The following RADIL variants were observed in gnomAD, a reference collection of about 807,000 sequenced individuals.
The protein encoded by RADIL is Rap associating with DIL domain.
Under a neutral mutation model 97.6 loss-of-function variants are expected in RADIL, and 99 were observed. The observed-to-expected ratio is 1.01, with a 90% confidence interval of 0.86 to 1.20. The LOEUF is 1.20. Among genes scored for constraint, RADIL ranks in the 50% most tolerant of loss-of-function variants. RADIL has a pLI of 0.00. For missense variants in RADIL, 1,765 were observed against 1,498.9 expected (o/e 1.18, Z -2.93); for synonymous variants, 803 against 691.8 (o/e 1.16, Z -2.52).
intron 6 of RADIL, among the ~76,000 whole-genome samples, chr7:4,820,092 C>T (rs760041611): frequency 3.3e-5 from 5 of 152,220 alleles, no homozygotes; most frequent in Non-Finnish European, 7.3e-5. Context: ...GCTGACTCTT[C>T]CTGTGGGGGC....
intron 2 of RADIL, among the ~76,000 whole-genome samples, chr7:4,863,743 T>G (rs923102517): frequency 2.6e-5 from 4 of 152,232 alleles, no homozygotes; most frequent in African/African-American, 9.6e-5. Flanking sequence ...ATTTTTTCAC[T>G]CAATGTGTCA....
Position 4,819,054 on chromosome 7 carries a change from T to TTC in RADIL, c.1616-1705_1616-1704dup, listed in dbSNP as rs754714822. Among the ~76,000 whole-genome samples, 3,955 of 145,122 alleles carry TTC rather than the reference T, an allele frequency of 0.027. 207 individuals are homozygous for TTC. The highest frequency in any genetic ancestry group is 0.099 in the African/African-American group (3,686 of 37,128). ...CCTGCACCCGGCCCTGAGACTCCATTTCTCTCTCTCTCTCTCTCTTTTTTT... is the reference window on the plus strand; with the variant it reads ...CCTGCACCCGGCCCTGAGACTCCATTTCTCTCTCTCTCTCTCTCTCTTTTTTT... On this transcript the variant is annotated intron_variant, in intron 6 of 14. Coordinates refer to ENST00000399583, the MANE Select transcript of RADIL (RefSeq NM_018059.5). This position sits in a 1 kb window ranked among gnomAD's most constrained non-coding sequence, Gnocchi z 5.8.
intron 5 of RADIL, among the ~76,000 whole-genome samples, chr7:4,831,002 C>T (rs1783123833): frequency 6.7e-6 from 1 of 148,714 alleles, no homozygotes; most frequent in African/African-American, 2.5e-5. Flanking sequence ...GCCTGGGCGA[C>T]AGAGCGAGAT....
chr7:4,802,418 G>A lies in RADIL; in HGVS notation c.2500-423C>T, dbSNP rs560867408. Among the ~76,000 whole-genome samples, 105 of 132,442 alleles carry A rather than the reference G, an allele frequency of 7.9e-4. 1 individual carries two copies. Among genetic ancestry groups the A allele is most frequent in the Non-Finnish European group, 1.3e-3 (80 of 61,922 alleles). The allele number at this position is 132,442 out of a possible 152,430, so 86.9% of individuals were successfully genotyped here. A position where few individuals can be genotyped will look rare whatever the true frequency, so the allele number is the denominator to read the frequency against. On this transcript the variant is annotated intron_variant, in intron 11 of 14. Transcript: ENST00000399583. ...GGCACGCTGGCTGGGCCCCCTCCCC[G>A]GGCACCTCGGGGCACGCTGGCTGGG...
chr7:4,811,588 C>T (rs1435718312), intron 9 of RADIL, among the ~76,000 whole-genome samples: 2 of 148,564 alleles, frequency 1.3e-5, no homozygotes, highest in African/African-American at 4.9e-5. Context: ...CCCGGGTTCA[C>T]GCCATTCTCC....
At position 4,883,185 on chromosome 7, in the gene RADIL, C is replaced by A. The variant is rs1377394966; in HGVS notation, c.-65+411G>T. Among the ~76,000 whole-genome samples, 1 of 152,148 alleles carries A rather than the reference C, an allele frequency of 6.6e-6. No homozygotes were observed. Among genetic ancestry groups the A allele is most frequent in the Non-Finnish European group, 1.5e-5 (1 of 68,004 alleles). On this transcript the variant is annotated intron_variant, in intron 1 of 14. Transcript: ENST00000399583. The surrounding 1 kb of genome is among the most constrained non-coding windows in gnomAD (Gnocchi z 7.1). ...CCCTGCGCCCCGCTCCCCCGCTGCGCCCCGCTCCCCCGCTGCGCGCCCCGG... is the reference window on the plus strand; with the variant it reads ...CCCTGCGCCCCGCTCCCCCGCTGCGACCCGCTCCCCCGCTGCGCGCCCCGG...
chr7:4,877,197 C>T (rs1784394211), intron 2 of RADIL, among the ~76,000 whole-genome samples: 1 of 152,196 alleles, frequency 6.6e-6, no homozygotes, highest in Admixed American at 6.5e-5. Context: ...AAGAGGAAAC[C>T]TTTGGGAGGC....
At position 4,821,196 on chromosome 7, in the gene RADIL, C is replaced by T. The variant is rs1017357695; in HGVS notation, c.1615+1198G>A. On this transcript the variant is annotated intron_variant, in intron 6 of 14. Coordinates refer to ENST00000399583, the MANE Select transcript of RADIL (RefSeq NM_018059.5). The surrounding 1 kb of genome is among the most constrained non-coding windows in gnomAD (Gnocchi z 5.2). ...TGCACCACTCCCTACCCGGATCCTC[C>T]AGAAGCCAGACCGCCACGCCACGGC... 6.6e-6 allele frequency among the ~76,000 whole-genome samples: 1 copy of T among 152,182 alleles called. No homozygotes were observed. The highest frequency in any genetic ancestry group is 1.5e-5 in the Non-Finnish European group (1 of 68,020).
intron 2 of RADIL, among the ~76,000 whole-genome samples, chr7:4,839,245 A>C (rs907603080): frequency 6.6e-6 from 1 of 152,122 alleles, no homozygotes; most frequent in Non-Finnish European, 1.5e-5. Flanking sequence ...TTTTACCCCA[A>C]AGTCATTCAG....
At position 4,822,494 on chromosome 7, in the gene RADIL, G is replaced by T; in HGVS notation, c.1515C>A (p.Pro505=). 1.2e-6 allele frequency: 2 copies of T among 1,613,110 alleles called. No individual in the cohort carries two copies. Among genetic ancestry groups the T allele is most frequent in the Non-Finnish European group, 8.5e-7 (1 of 1,180,000 alleles). ...TGGAGTTAGACATCCAGAAAAGAATGGGCTGCAAGTCTGGAACCAGATCAG... is the reference window on the plus strand; with the variant it reads ...TGGAGTTAGACATCCAGAAAAGAATTGGCTGCAAGTCTGGAACCAGATCAG... ...AMADLVPDLQ[P]ILFWMSNSIE... The change falls in exon 6 of 15, where the codon CCC becomes CCA. Residue 505 remains proline (P), a synonymous_variant. Coordinates refer to ENST00000399583, the MANE Select transcript of RADIL (RefSeq NM_018059.5). This position sits in a 1 kb window ranked among gnomAD's most constrained non-coding sequence, Gnocchi z 5.3.
At chr7:4,877,521 T>C (rs1784399748) in intron 2 of RADIL, 84 bp downstream of exon 2, 13 of 1,468,402 alleles carry the variant, frequency 8.9e-6, no homozygotes, top group Non-Finnish European at 1.2e-5. Context: ...GCATGTCCCC[T>C]GCACCACTCC....
At position 4,877,783 on chromosome 7, in the gene RADIL, G is replaced by A. The variant is rs539809610; in HGVS notation, c.357C>T (p.Ala119=). The part of the protein sequence containing the change: ...QYVLCDVVGQ[A]GDAGQRWQAR... ...CCTGCCACCGCTGCCCAGCATCGCC[G>A]GCTTGGCCCACCACGTCACACAGCA... Residue 119 remains alanine (A), a synonymous_variant, in exon 2 of 15, where the codon GCC becomes GCT. Coordinates refer to ENST00000399583, the MANE Select transcript of RADIL (RefSeq NM_018059.5). The A allele has an allele frequency of 1.4e-5, 22 of 1,612,288 alleles. No individual in the cohort carries two copies. Among genetic ancestry groups the A allele is most frequent in the South Asian group, 6.6e-5 (6 of 91,064 alleles).
chr7:4,859,191 A>G (rs1476227096), intron 2 of RADIL: 1 of 152,608 alleles, frequency 6.6e-6, no homozygotes, highest in Non-Finnish European at 1.5e-5. Context: ...GCACAATGGT[A>G]TCCAATTTTA....
At chr7:4,861,030 A>AAAGCTGAC (rs1425930033) in intron 2 of RADIL, 10 of 1,614,122 alleles carry the variant, frequency 6.2e-6, no homozygotes, top group Non-Finnish European at 7.6e-6. Flanking sequence ...GCATTTGGAT[A>AAAGCTGAC]AAGCTGACAA....
chr7:4,841,245 C>T (rs191712851), intron 2 of RADIL, among the ~76,000 whole-genome samples: 1 of 152,184 alleles, frequency 6.6e-6, no homozygotes, highest in Non-Finnish European at 1.5e-5. Flanking sequence ...TCTTCAAGGA[C>T]CCCTGGGAAT....
intron 11 of RADIL, among the ~76,000 whole-genome samples, chr7:4,803,147 C>CTGGCTGG (rs1396755490): frequency 6.3e-5 from 4 of 63,628 alleles, no homozygotes; most frequent in Non-Finnish European, 1.1e-4. Flanking sequence ...GGCACTCTGG[C>CTGGCTGG]TGGGTCCCCT....
chr7:4,804,769 G>A (rs1029498044), intron 10 of RADIL, among the ~76,000 whole-genome samples: 1 of 149,988 alleles, frequency 6.7e-6, no homozygotes, highest in Non-Finnish European at 1.5e-5. Context: ...CCTGGTGACA[G>A]AGTGAGACTC....
rs1421253383 is a variant in RADIL, at chr7:4,813,220, C to G, written c.2139+2058G>C. On this transcript the variant is annotated intron_variant, in intron 9 of 14. Transcript: ENST00000399583. The surrounding 1 kb of genome is among the most constrained non-coding windows in gnomAD (Gnocchi z 5.0). ...CGTTTAATTCCTGGACTCAAATGAT[C>G]CTCCTACCTCAACCTCCCAAGTAGC... Among the ~76,000 whole-genome samples the G allele has an allele frequency of 6.6e-6, 1 of 151,836 alleles. No individual in the cohort carries two copies. The highest frequency in any genetic ancestry group is 1.9e-4 in the East Asian group (1 of 5,170).
rs77755447 is a variant in RADIL at position 4,819,583 on chromosome 7, G to A, written c.1616-2232C>T. Among the ~76,000 whole-genome samples the A allele has an allele frequency of 1.2e-4, 18 of 152,320 alleles. No individual in the cohort carries two copies. The East Asian group carries it at 2.5e-3, about 21-fold the overall frequency. On this transcript the variant is annotated intron_variant, in intron 6 of 14. Transcript: ENST00000399583. The surrounding 1 kb of genome is among the most constrained non-coding windows in gnomAD (Gnocchi z 5.8). ...CACGAGGAGAATCTGAGGCGCACAC[G>A]ATGGTGTGAGGCGGCGCGGGAGGGG...
Sources: allele counts gnomAD v4.1 joint callset (sites outside exome capture counted in the v4.1 genomes callset), GRCh38; gene constraint gnomAD v4.1.1; non-coding constraint Gnocchi (gnomAD v3.1); transcripts MANE v1.5; gene names NCBI Gene and HGNC (gene_info 2026-07-23, HGNC 2026-07-21).